The following NPAS3 variants were observed in gnomAD, a reference collection of about 807,000 sequenced individuals.
NPAS3 encodes neuronal PAS domain protein 3, also known as neuronal PAS domain-containing protein 3.
Under a neutral mutation model 73.1 loss-of-function variants are expected in NPAS3, and 14 were observed. The observed-to-expected ratio is 0.19, with a 90% CI of 0.13 to 0.30. The LOEUF is 0.30. Among genes scored for constraint, NPAS3 ranks in the 10% least tolerant of loss-of-function variants. The pLI is 1.00. For missense variants in NPAS3, 1,096 were observed against 1,250.0 expected (o/e 0.88, Z 1.86); for synonymous variants, 620 against 541.5 (o/e 1.14, Z -2.01).
At chr14:32,958,835 G>A (rs2036787229) in intron 1 of NPAS3, among the ~76,000 whole-genome samples, 1 of 152,178 alleles carries the variant, frequency 6.6e-6, no homozygotes, top group Non-Finnish European at 1.5e-5. Flanking sequence ...CTAAACTTTA[G>A]AAAATGAAGT....
intron 4 of NPAS3, among the ~76,000 whole-genome samples, chr14:33,498,886 A>C (rs937066178): frequency 1.3e-5 from 2 of 150,772 alleles, no homozygotes; most frequent in Non-Finnish European, 3.0e-5. Context: ...TATTTTTAAA[A>C]TCTGGGGATG....
chr14:33,716,346 C>G (rs2060956782), intron 6 of NPAS3, among the ~76,000 whole-genome samples: 1 of 152,264 alleles, frequency 6.6e-6, no homozygotes, highest in African/African-American at 2.4e-5. Context: ...TCTTCCCTAT[C>G]TTGTTTTTCT....
At chr14:33,092,184 C>T (rs536122507) in intron 2 of NPAS3, among the ~76,000 whole-genome samples, 1 of 152,110 alleles carries the variant, frequency 6.6e-6, no homozygotes, top group African/African-American at 2.4e-5. Flanking sequence ...TCAAATTGTC[C>T]CTGTTTGCAG....
chr14:33,726,509 A>G (rs529828857), intron 6 of NPAS3, among the ~76,000 whole-genome samples: 1 of 152,136 alleles, frequency 6.6e-6, no homozygotes, highest in Non-Finnish European at 1.5e-5. Context: ...CTTCACCCAG[A>G]CGTCCATGAC....
chr14:33,412,270 C>A (rs1416596414), intron 4 of NPAS3, among the ~76,000 whole-genome samples: 1 of 152,026 alleles, frequency 6.6e-6, no homozygotes, highest in Admixed American at 6.6e-5. Context: ...AGGTGTGAAC[C>A]ACCACTCCCG....
At chr14:33,188,178 T>C (rs556414676) in intron 2 of NPAS3, among the ~76,000 whole-genome samples, 2 of 152,370 alleles carry the variant, frequency 1.3e-5, no homozygotes, top group East Asian at 1.9e-4. Context: ...TGTTAGCTCA[T>C]TGACATATAG....
chr14:33,442,429 TAAA>T (rs1348198074), intron 4 of NPAS3, among the ~76,000 whole-genome samples: 6 of 149,058 alleles, frequency 4.0e-5, no homozygotes, highest in Admixed American at 6.7e-5. Context: ...AAAAAAAAAT[TAAA>T]AAACTACAGT....
chr14:33,586,720 TAAATA>T (rs1176120801), intron 5 of NPAS3, among the ~76,000 whole-genome samples: 6 of 152,334 alleles, frequency 3.9e-5, no homozygotes, highest in Admixed American at 6.5e-5. Context: ...TATTTGCCAG[TAAATA>T]AAATAAAGTA....
At chr14:33,397,090 G>T (rs2047257417) in intron 4 of NPAS3, among the ~76,000 whole-genome samples, 1 of 152,104 alleles carries the variant, frequency 6.6e-6, no homozygotes, top group Non-Finnish European at 1.5e-5. Context: ...GCTGAATTAA[G>T]AAGGCTCTTT....
chr14:33,404,486 C>G (rs370487859), intron 4 of NPAS3, among the ~76,000 whole-genome samples: 2 of 151,762 alleles, frequency 1.3e-5, no homozygotes, highest in Non-Finnish European at 2.9e-5. Context: ...TCTTTTTTTC[C>G]CTTTTTCCTT....
intron 3 of NPAS3, among the ~76,000 whole-genome samples, chr14:33,219,712 G>T (rs913804580): frequency 6.6e-6 from 1 of 152,144 alleles, no homozygotes; most frequent in African/African-American, 2.4e-5. Context: ...TCTTACTAAA[G>T]CAATGATGTT....
intron 3 of NPAS3, among the ~76,000 whole-genome samples, chr14:33,227,472 G>GA (rs1476895443): frequency 4.0e-5 from 6 of 151,624 alleles, no homozygotes; most frequent in Admixed American, 1.3e-4. Context: ...AACAACATTT[G>GA]AAAAAAAAAT....
chr14:33,741,821 A>C (rs1226778329), intron 7 of NPAS3, among the ~76,000 whole-genome samples: 1 of 152,196 alleles, frequency 6.6e-6, no homozygotes, highest in African/African-American at 2.4e-5. Flanking sequence ...AGATTTCAGG[A>C]AGCAGGTAGG....
intron 4 of NPAS3, among the ~76,000 whole-genome samples, chr14:33,429,140 TCA>T (rs1046709336): frequency 9.2e-5 from 14 of 152,240 alleles, no homozygotes; most frequent in African/African-American, 2.9e-4. Flanking sequence ...ACCTTTGTAT[TCA>T]CAGAGGGAAG....
intron 2 of NPAS3, among the ~76,000 whole-genome samples, chr14:33,130,901 T>C (rs931500696): frequency 6.6e-6 from 1 of 152,174 alleles, no homozygotes; most frequent in Non-Finnish European, 1.5e-5. Context: ...GCTTGTGTTA[T>C]AAGAAACCTT....
At chr14:33,799,662 G>T in intron 11 of NPAS3, 72 bp from the exon 12 acceptor site, 4 of 1,514,042 alleles carry the variant, frequency 2.6e-6, no homozygotes, top group Non-Finnish European at 3.5e-6. Context: ...AGGCTGGGTC[G>T]CCCCGCTAAC....
At chr14:33,611,691 C>G (rs74042350) in intron 5 of NPAS3, among the ~76,000 whole-genome samples, 26,130 of 152,036 alleles carry the variant, frequency 0.17, 2,615 homozygotes, top group Admixed American at 0.27. Flanking sequence ...ATAAATTTCT[C>G]TGTTCAAAAC....
chr14:33,660,721 T>C (rs78121055), intron 5 of NPAS3, among the ~76,000 whole-genome samples: 4 of 152,286 alleles, frequency 2.6e-5, no homozygotes, highest in Non-Finnish European at 2.9e-5. Flanking sequence ...TATCTTAAAA[T>C]ATCCCGGGTT....
chr14:33,301,322 A>ATATTT (rs557118171), intron 3 of NPAS3, among the ~76,000 whole-genome samples: 3 of 99,690 alleles, frequency 3.0e-5, no homozygotes, highest in African/African-American at 1.3e-4. Flanking sequence ...ATATATATAT[A>ATATTT]TTTTTTTTTT....
Sources: gnomAD v4.1 joint callset for allele counts (sites outside exome capture counted in the v4.1 genomes callset) on GRCh38, gnomAD v4.1.1 for gene constraint, MANE v1.5 for transcripts, NCBI Gene and HGNC (gene_info 2026-07-23, HGNC 2026-07-21) for gene names.